Variants in DRC1 observed in about 807,000 individuals in gnomAD.
DRC1 encodes the protein dynein regulatory complex subunit 1, also known as dynein regulatory complex protein 1.
In DRC1, 74 loss-of-function variants were observed where a neutral mutation model predicts 98.7. The observed-to-expected ratio is 0.75, with a 90% confidence interval of 0.62 to 0.91. DRC1 has a LOEUF of 0.91. Ranked by LOEUF, DRC1 falls within the 40% of genes least tolerant of loss-of-function variation. The pLI is 0.00. For missense variants in DRC1, 875 were observed against 886.0 expected, an observed-to-expected ratio of 0.99 and a Z score of 0.16; for synonymous variants, 336 against 334.1, an observed-to-expected ratio of 1.01 and a Z score of -0.06.
intron 5 of DRC1, 41 bp from the exon 6 acceptor site, chr2:26,430,745 A>G (rs760720030): frequency 1.1e-5 from 17 of 1,607,582 alleles, no homozygotes; most frequent in African/African-American, 2.7e-5. Context: ...GACCTGCCCA[A>G]TCAAAACAGA....
At chr2:26,424,025 T>C (rs1663218785) in intron 3 of DRC1, among the ~76,000 whole-genome samples, 1 of 150,502 alleles carries the variant, frequency 6.6e-6, no homozygotes. Flanking sequence ...TGTATGTGTG[T>C]GTGTGTGTAG....
intron 9 of DRC1, 28 bp downstream of exon 9, chr2:26,444,384 C>T (rs1663797232): frequency 1.2e-6 from 2 of 1,609,266 alleles, no homozygotes; most frequent in African/African-American, 1.3e-5. Flanking sequence ...TCCTAAGGCA[C>T]TTGTCCTAGC....
intron 10 of DRC1, among the ~76,000 whole-genome samples, chr2:26,446,992 AG>A (rs1257498618): frequency 6.6e-6 from 1 of 152,174 alleles, no homozygotes; most frequent in East Asian, 1.9e-4. Flanking sequence ...CAGGAGGCTG[AG>A]GCAGGAGAAT....
intron 12 of DRC1, 121 bp from the exon 13 acceptor site, chr2:26,450,471 G>A (rs1259670509): frequency 2.7e-5 from 22 of 809,494 alleles, no homozygotes; most frequent in African/African-American, 5.2e-5. Flanking sequence ...GCTTCCCAGC[G>A]TTGGATGAAT....
intron 1 of DRC1, among the ~76,000 whole-genome samples, chr2:26,404,369 G>T (rs1678353011): frequency 6.6e-6 from 1 of 152,126 alleles, no homozygotes; most frequent in South Asian, 2.1e-4. Flanking sequence ...TATTTTTCCT[G>T]ATTGAGGTAG....
intron 6 of DRC1, 87 bp downstream of exon 6, chr2:26,430,959 T>C: frequency 3.3e-6 from 1 of 305,690 alleles, no homozygotes; most frequent in Non-Finnish European, 4.1e-6. Context: ...TTTTTCTATC[T>C]TTTTTTTTTT....
At chr2:26,406,435 G>C (rs1678429869) in intron 1 of DRC1, among the ~76,000 whole-genome samples, 1 of 152,194 alleles carries the variant, frequency 6.6e-6, no homozygotes, top group African/African-American at 2.4e-5. Flanking sequence ...ACAGCCGGGC[G>C]TGGTGGCTCA....
At chr2:26,423,255 T>C (rs1389354920) in intron 3 of DRC1, among the ~76,000 whole-genome samples, 1 of 151,920 alleles carries the variant, frequency 6.6e-6, no homozygotes, top group Non-Finnish European at 1.5e-5. Flanking sequence ...TGCGGAAAGA[T>C]GACCTGACAG....
rs1271834382 is a variant in DRC1 at position 26,444,894 on chromosome 2, C to T, written c.1342C>T (p.Gln448Ter). Residue 448 changes from glutamine (Q) to a stop codon, truncating the protein, a stop_gained, in exon 10 of 17, where the codon CAG (glutamine) becomes TAG (stop). Coordinates refer to ENST00000288710, the MANE Select transcript of DRC1 (RefSeq NM_145038.5). LOFTEE classifies it high-confidence loss of function. ...CCTGAACAATGTTGGGCCTATTTCT[C>T]AGCAGCCCCAGAAGTCCGCCACACA... ...WFLNNVGPIS[Q>*]QPQKSATQIV... The T allele has an allele frequency of 6.2e-7, 1 of 1,614,188 alleles. No homozygotes were observed. Among genetic ancestry groups the T allele is most frequent in the Non-Finnish European group, 8.5e-7 (1 of 1,180,032 alleles).
At chr2:26,417,872 T>G (rs1027599420) in intron 2 of DRC1, among the ~76,000 whole-genome samples, 7 of 152,228 alleles carry the variant, frequency 4.6e-5, no homozygotes, top group African/African-American at 1.7e-4. Context: ...CACTTGTTAA[T>G]TCTAATAGTT....
chr2:26,448,494 T>TG (rs1374739646), intron 10 of DRC1, 197 bp from the exon 11 acceptor site: 1 of 705,130 alleles, frequency 1.4e-6, no homozygotes, highest in Non-Finnish European at 2.6e-6. Context: ...AGGTAGTCTC[T>TG]GATTCCGACC....
chr2:26,428,793 G>A (rs559125898), intron 4 of DRC1, among the ~76,000 whole-genome samples: 19 of 150,656 alleles, frequency 1.3e-4, no homozygotes, highest in South Asian at 1.0e-3. Flanking sequence ...GCAAGACTCT[G>A]TCTCAAAAAA....
rs79594098 is a variant in DRC1 at position 26,424,466 on chromosome 2, G to T, written c.540+12G>T. ...GCGAGTTACAGCAGGCAAGAGGCCC[G>T]GGCCCTCCAGCCCAGCCACAGGGGA... On this transcript the variant is annotated intron_variant, in intron 4 of 16. Coordinates refer to ENST00000288710, the MANE Select transcript of DRC1 (RefSeq NM_145038.5). 3.1e-6 allele frequency: 5 copies of T among 1,597,924 alleles called. No homozygotes were observed. The highest frequency in any genetic ancestry group is 4.5e-5 in the East Asian group (2 of 44,454).
intron 8 of DRC1, among the ~76,000 whole-genome samples, chr2:26,442,320 C>T (rs979321999): frequency 2.0e-5 from 3 of 152,236 alleles, no homozygotes; most frequent in Non-Finnish European, 4.4e-5. Flanking sequence ...CAGGATTGGA[C>T]AAAAACTTCC....
chr2:26,421,149 C>A (rs1572360942), intron 2 of DRC1, 139 bp from the exon 3 acceptor site: 1 of 620,196 alleles, frequency 1.6e-6, no homozygotes. Flanking sequence ...ACAGAGGCTA[C>A]TCTTAAAAAT....
intron 10 of DRC1, chr2:26,448,187 T>A: frequency 2.9e-6 from 1 of 346,568 alleles, no homozygotes; most frequent in Non-Finnish European, 5.5e-6. Context: ...ATCACACCAC[T>A]GCACTCCAGC....
At chr2:26,446,920 T>C (rs1164916344) in intron 10 of DRC1, among the ~76,000 whole-genome samples, 1 of 151,758 alleles carries the variant, frequency 6.6e-6, no homozygotes, top group Non-Finnish European at 1.5e-5. Flanking sequence ...GGCGAAAACC[T>C]GTCTCTACTA....
At chr2:26,450,720 T>C in intron 13 of DRC1, 39 bp downstream of exon 13, 1 of 1,461,632 alleles carries the variant, frequency 6.8e-7, no homozygotes, top group Non-Finnish European at 9.1e-7. Context: ...ATTTTCTTTC[T>C]TTCTTATTTA....
intron 3 of DRC1, among the ~76,000 whole-genome samples, chr2:26,422,841 G>A (rs1423859948): frequency 6.6e-6 from 1 of 151,520 alleles, no homozygotes; most frequent in East Asian, 1.9e-4. Flanking sequence ...GATCACTTGA[G>A]CCCAGGAGGT....
Sources: gnomAD v4.1 joint callset for allele counts (sites outside exome capture counted in the v4.1 genomes callset) on GRCh38, gnomAD v4.1.1 for gene constraint, MANE v1.5 for transcripts, NCBI Gene and HGNC (gene_info 2026-07-23, HGNC 2026-07-21) for gene names.